The following CBFA2T3 variants were observed in gnomAD, a reference collection of about 807,000 sequenced individuals.
CBFA2T3 encodes the protein CBFA2/RUNX1 partner transcriptional co-repressor 3.
Under a neutral mutation model 58.6 loss-of-function variants are expected in CBFA2T3, and 31 were observed. The ratio of observed to expected loss-of-function variants is 0.53; its 90% CI spans 0.40 to 0.71. The LOEUF is 0.71. Ranked by LOEUF, CBFA2T3 falls within the 30% of genes least tolerant of loss-of-function variation. The pLI is 0.00. For missense variants in CBFA2T3, 1,076 were observed against 963.1 expected, an observed-to-expected ratio of 1.12 and a Z score of -1.55; for synonymous variants, 531 against 421.9, an observed-to-expected ratio of 1.26 and a Z score of -3.17.
In CBFA2T3 at chr16:88,970,233, G is replaced by C. The variant is rs376964739; in HGVS notation, c.151+6424C>G. Among the ~76,000 whole-genome samples, 18 of 152,354 alleles carry C rather than the reference G, an allele frequency of 1.2e-4. No individual in the cohort carries two copies. The East Asian group carries it at 3.5e-3, about 29-fold the overall frequency. The stretch of plus-strand genomic sequence containing the variant: ...CGGCAGCCTTGCTGTGTGATCAGCT[G>C]GGTGTCAGGATGTGCTTGATCCAGG... On this transcript the variant is annotated intron_variant, in intron 1 of 11. Transcript: ENST00000268679.
At chr16:88,904,158 G>A (rs2968474) in intron 1 of CBFA2T3, among the ~76,000 whole-genome samples, 47,620 of 152,100 alleles carry the variant, frequency 0.31, 7,689 homozygotes, top group Middle Eastern at 0.37. Flanking sequence ...CGAAGCTAGA[G>A]CAGACAGTGC....
intron 1 of CBFA2T3, among the ~76,000 whole-genome samples, chr16:88,925,972 C>T (rs994884775): frequency 6.6e-6 from 1 of 152,242 alleles, no homozygotes; most frequent in African/African-American, 2.4e-5. Flanking sequence ...TGTCCTGTCT[C>T]CCACAGGCTG....
At chr16:88,955,888 T>G (rs1442996470) in intron 1 of CBFA2T3, among the ~76,000 whole-genome samples, 442 of 53,570 alleles carry the variant, frequency 8.3e-3, no homozygotes, top group Middle Eastern at 0.024. Context: ...CCCAGCCAAG[T>G]CTCCTGACCC....
intron 1 of CBFA2T3, among the ~76,000 whole-genome samples, chr16:88,954,433 C>T (rs28647204): frequency 0.19 from 20,970 of 110,164 alleles, 3,219 homozygotes; most frequent in Middle Eastern, 0.36. Context: ...AGGCTCCTGA[C>T]CCCATCCAAG....
chr16:88,969,046 G>A (rs542346779), intron 1 of CBFA2T3, among the ~76,000 whole-genome samples: 174 of 152,316 alleles, frequency 1.1e-3, no homozygotes, highest in Non-Finnish European at 2.2e-3. Flanking sequence ...GTGCGGCCTG[G>A]TGCCCCCGTT....
At chr16:88,892,015 G>A in intron 4 of CBFA2T3, 44 bp from the exon 5 acceptor site, 4 of 1,531,374 alleles carry the variant, frequency 2.6e-6, no homozygotes, top group Admixed American at 1.7e-5. Context: ...CGCTCGGCAT[G>A]TGAGCCAGCG....
intron 1 of CBFA2T3, among the ~76,000 whole-genome samples, chr16:88,927,710 GCCT>G (rs1164024814): frequency 1.3e-5 from 2 of 152,144 alleles, no homozygotes; most frequent in Non-Finnish European, 2.9e-5. Context: ...TCCCCCTTCC[GCCT>G]CCTCCTCCCC....
chr16:88,882,960 G>A (rs1969189382), intron 7 of CBFA2T3, among the ~76,000 whole-genome samples, 199 bp from the exon 8 acceptor site: 1 of 152,232 alleles, frequency 6.6e-6, no homozygotes, highest in Non-Finnish European at 1.5e-5. Context: ...GCTCTGGGCC[G>A]ACTGCTCTTC....
intron 1 of CBFA2T3, chr16:88,941,023 C>CG (rs1031355504): frequency 8.1e-6 from 8 of 982,516 alleles, no homozygotes; most frequent in East Asian, 1.1e-4. Flanking sequence ...CACTTACGGT[C>CG]GGGGGGTCCG....
rs191329613 is a variant in CBFA2T3, at chr16:88,959,150, G to A, written c.151+17507C>T. On this transcript the variant is annotated intron_variant, in intron 1 of 11. Transcript: ENST00000268679. ...TTGACGCGCTGAATCGTGTGCCCCC[G>A]TCCTTACTGGCAGGCACGCCACATG... 3.0e-4 allele frequency among the ~76,000 whole-genome samples: 45 copies of A among 152,292 alleles called. 1 individual carries two copies. Among genetic ancestry groups the A allele is most frequent in the South Asian group, 2.7e-3 (13 of 4,824 alleles).
intron 5 of CBFA2T3, among the ~76,000 whole-genome samples, chr16:88,887,503 A>C (rs1969426700): frequency 6.6e-6 from 1 of 152,090 alleles, no homozygotes. Context: ...TGCATCCCCC[A>C]GCTTCTGGAA....
intron 3 of CBFA2T3, among the ~76,000 whole-genome samples, chr16:88,895,337 T>C (rs946410821): frequency 2.0e-5 from 3 of 152,270 alleles, no homozygotes; most frequent in African/African-American, 7.2e-5. Flanking sequence ...GGCTCCCACC[T>C]TCCCGACCCG....
intron 10 of CBFA2T3, 152 bp downstream of exon 10, chr16:88,880,568 T>C: frequency 1.5e-6 from 1 of 678,022 alleles, no homozygotes; most frequent in Non-Finnish European, 2.5e-6. Context: ...TACTCTGACC[T>C]CTCCGTGAGC....
In CBFA2T3 at chr16:88,951,558, TTGC is replaced by T. The variant is rs1373755900; in HGVS notation, c.151+25096_151+25098del. On this transcript the variant is annotated intron_variant, in intron 1 of 11. Transcript: ENST00000268679. ...GTACAAAATCAGGGTGGCGACCGGG[TTGC>T]TGCCATTCCCTCCCCTCGGGTCTGT... 3 of 365,170 alleles carry T rather than the reference TTGC, an allele frequency of 8.2e-6. No individual in the cohort carries two copies. In the East Asian group the frequency reaches 2.2e-4, roughly 26 times the overall value. 22.6% of individuals were successfully genotyped at this position (365,170 alleles called of 1,614,324 possible).
At chr16:88,880,849 C>G in intron 9 of CBFA2T3, 61 bp from the exon 10 acceptor site, 1 of 1,436,440 alleles carries the variant, frequency 7.0e-7, no homozygotes, top group Non-Finnish European at 9.6e-7. Flanking sequence ...CACGCTGGGG[C>G]CCTCCCCACC....
At chr16:88,929,677 CCAATACCCA>C in intron 1 of CBFA2T3, among the ~76,000 whole-genome samples, 1 of 151,074 alleles carries the variant, frequency 6.6e-6, no homozygotes, top group African/African-American at 2.4e-5. Context: ...GCAAAAACTA[CCAATACCCA>C]CAGCTGCGTG....
rs1972764005 is a variant in CBFA2T3 at position 88,975,024 on chromosome 16, A to G, written c.151+1633T>C. Among the ~76,000 whole-genome samples the G allele has an allele frequency of 3.5e-5, 5 of 143,780 alleles. No homozygotes were observed. In the Admixed American group the frequency reaches 3.5e-4, roughly 10 times the overall value. The allele number at this position is 143,780 out of a possible 152,430, so 94.3% of individuals were successfully genotyped here. On this transcript the variant is annotated intron_variant, in intron 1 of 11. Transcript: ENST00000268679. The stretch of plus-strand genomic sequence containing the variant: ...AGCCAGGGGCAGGACCCCGCACCCA[A>G]GTGAGACCCTGCTCCCTCCTCACAT...
At position 88,976,988 on chromosome 16, in the gene CBFA2T3, T is replaced by G; in HGVS notation, c.-181A>C. On this transcript the variant is annotated 5_prime_UTR_variant, in exon 1 of 12. Coordinates refer to ENST00000268679, the MANE Select transcript of CBFA2T3 (RefSeq NM_005187.6). ...TCCCGGCCACCAACTGGGTGTCCTC[T>G]GCCCTGGGGAGGGGGTGGGAGCCCT... 7 of 609,202 alleles carry G rather than the reference T, an allele frequency of 1.1e-5. No individual in the cohort carries two copies. The highest frequency in any genetic ancestry group is 5.5e-6 in the Non-Finnish European group (2 of 366,968). 37.7% of individuals were successfully genotyped at this position (609,202 alleles called of 1,614,324 possible).
At chr16:88,942,178 C>A (rs1971766415) in intron 1 of CBFA2T3, among the ~76,000 whole-genome samples, 1 of 152,224 alleles carries the variant, frequency 6.6e-6, no homozygotes, top group South Asian at 2.1e-4. Context: ...GCCGGCAGGC[C>A]CCCTCCCCCG....
Sources: gnomAD v4.1 joint callset for allele counts (sites outside exome capture counted in the v4.1 genomes callset) on GRCh38, gnomAD v4.1.1 for gene constraint, MANE v1.5 for transcripts, NCBI Gene and HGNC (gene_info 2026-07-23, HGNC 2026-07-21) for gene names.